COG3: variants seen among roughly 807,000 people sequenced by gnomAD.
COG3 encodes conserved oligomeric Golgi complex subunit 3.
A neutral mutation model predicts 114.1 loss-of-function variants in COG3; 32 were observed. The observed-to-expected ratio is 0.28, with a 90% CI of 0.21 to 0.38. The LOEUF is 0.38. Among genes scored for constraint, COG3 ranks in the 10% least tolerant of loss-of-function variants. The probability of loss-of-function intolerance (pLI) is 1.00; values close to 1 mark genes in which losing one functional copy is unlikely to be tolerated. For synonymous variants in COG3, 352 were observed against 365.7 expected, an observed-to-expected ratio of 0.96 and a Z score of 0.43; for missense variants, 813 against 973.2, an observed-to-expected ratio of 0.84 and a Z score of 2.19.
intron 20 of COG3, 130 bp downstream of exon 20, chr13:45,525,181 G>C: frequency 1.6e-6 from 1 of 610,270 alleles, no homozygotes; most frequent in Non-Finnish European, 2.7e-6. Context: ...AGTTAATGCA[G>C]GATTCAATTT....
intron 7 of COG3, among the ~76,000 whole-genome samples, chr13:45,486,190 A>T (rs1167269315): frequency 1.4e-5 from 2 of 145,030 alleles, no homozygotes; most frequent in East Asian, 3.9e-4. Context: ...AATCGCAGGC[A>T]TTCGGCAGAC....
intron 8 of COG3, among the ~76,000 whole-genome samples, chr13:45,487,279 A>C (rs541606435): frequency 6.6e-6 from 1 of 152,340 alleles, no homozygotes; most frequent in South Asian, 2.1e-4. Flanking sequence ...ATCTGAAACT[A>C]TAAAACTACT....
At chr13:45,481,041 GATC>G (rs1886218219) in intron 4 of COG3, among the ~76,000 whole-genome samples, 186 bp from the exon 5 acceptor site, 1 of 152,124 alleles carries the variant, frequency 6.6e-6, no homozygotes, top group Non-Finnish European at 1.5e-5. Context: ...TTTATGAAGA[GATC>G]ATATAAAATT....
chr13:45,492,318 A>G, intron 11 of COG3, 68 bp downstream of exon 11: 2 of 815,688 alleles, frequency 2.5e-6, no homozygotes, highest in Non-Finnish European at 4.0e-6. Flanking sequence ...ATGAATCAGT[A>G]TATTATAGGA....
chr13:45,481,617 G>T (rs1886253321), intron 5 of COG3, among the ~76,000 whole-genome samples: 1 of 152,114 alleles, frequency 6.6e-6, no homozygotes. Context: ...ATTTTGCTGT[G>T]GTTATGCTAC....
intron 14 of COG3, among the ~76,000 whole-genome samples, chr13:45,508,325 A>G (rs1298098609): frequency 6.7e-6 from 1 of 149,086 alleles, no homozygotes; most frequent in Non-Finnish European, 1.5e-5. Context: ...AAGATGAATG[A>G]TGAACACCCA....
intron 14 of COG3, 151 bp from the exon 15 acceptor site, chr13:45,509,541 T>C (rs1430350925): frequency 5.4e-6 from 4 of 741,540 alleles, no homozygotes; most frequent in Non-Finnish European, 8.8e-6. Flanking sequence ...TTTCTTAGGG[T>C]ATTCTTGATG....
chr13:45,503,470 G>T (rs772751207), intron 14 of COG3, 121 bp downstream of exon 14: 6 of 594,598 alleles, frequency 1.0e-5, no homozygotes, highest in African/African-American at 1.9e-5. Flanking sequence ...CACACTTTAT[G>T]GGGGGAGATT....
chr13:45,471,252 AG>A (rs1265114447), intron 1 of COG3, among the ~76,000 whole-genome samples: 2 of 145,120 alleles, frequency 1.4e-5, no homozygotes, highest in Non-Finnish European at 3.1e-5. Flanking sequence ...GAAAAAAAAA[AG>A]AAAAAAAAAT....
In COG3 at chr13:45,496,255, G is replaced by A. The variant is rs759015118; in HGVS notation, c.1431G>A (p.Thr477=). Residue 477 remains threonine (T), a synonymous_variant, in exon 13 of 23, where the codon ACG becomes ACA. Transcript: ENST00000349995. ...RTHIYIQTDI[T]GYKPAPGDLA... ...ACATCTATATTCAGACGGACATCAC[G>A]GGCTATAAACCAGCTCCTGGAGATC... 2.4e-5 allele frequency: 38 copies of A among 1,611,920 alleles called. No homozygotes were observed. Among genetic ancestry groups the A allele is most frequent in the Non-Finnish European group, 2.6e-5 (31 of 1,178,972 alleles).
intron 1 of COG3, among the ~76,000 whole-genome samples, chr13:45,473,946 AT>A (rs1196389280): frequency 1.3e-5 from 2 of 152,130 alleles, no homozygotes; most frequent in African/African-American, 4.8e-5. Flanking sequence ...ATACTCAGGG[AT>A]TGTGTTACCA....
At chr13:45,476,550 T>TA (rs1156848725) in intron 2 of COG3, among the ~76,000 whole-genome samples, 6 of 152,138 alleles carry the variant, frequency 3.9e-5, no homozygotes, top group East Asian at 1.9e-4. Context: ...ATGATATAGG[T>TA]AAAAAAACAT....
At chr13:45,529,719 C>T (rs1293597620) in intron 20 of COG3, 72 bp from the exon 21 acceptor site, 1 of 1,130,038 alleles carries the variant, frequency 8.8e-7, no homozygotes. Context: ...TCCCTTTATT[C>T]CCCTTTGAAT....
rs767657915 is a variant in COG3, at chr13:45,519,024, C to T, written c.2084C>T (p.Ser695Leu). The stretch of plus-strand genomic sequence containing the variant: ...AAAGACGTAGACCGTCATCTGAAAT[C>T]GGCCTGTGAGCAGTTTATTCAGCAG... ...SKKDVDRHLK[S>L]ACEQFIQQQT... The change falls in exon 19 of 23, where the codon TCG (serine) becomes TTG (leucine). Residue 695 changes from serine (S) to leucine (L), a missense_variant. By Grantham distance (145) the Ser-to-Leu change is moderately radical. Transcript: ENST00000349995. 4.4e-5 allele frequency: 71 copies of T among 1,614,000 alleles called. No homozygotes were observed. The highest frequency in any genetic ancestry group is 5.3e-5 in the African/African-American group (4 of 74,920).
chr13:45,514,560 T>C (rs1871333787), intron 16 of COG3, among the ~76,000 whole-genome samples: 1 of 152,240 alleles, frequency 6.6e-6, no homozygotes, highest in Non-Finnish European at 1.5e-5. Context: ...TTCTGTTTCC[T>C]ACATATTATA....
rs573652674 is a variant in COG3 at position 45,507,954 on chromosome 13, A to T, written c.1595-1738A>T. Among the ~76,000 whole-genome samples the T allele has an allele frequency of 3.3e-5, 5 of 151,024 alleles. No homozygotes were observed. The East Asian group carries it at 9.8e-4, about 30-fold the overall frequency. ...TGTGGTGGCATGAGCCTGTGATCCC[A>T]GCTACTCAGGAGGCTGAGGCAGAAG... is the stretch of plus-strand genomic sequence containing the variant. On this transcript the variant is annotated intron_variant, in intron 14 of 22. Transcript: ENST00000349995.
At chr13:45,530,845 A>G in intron 22 of COG3, 65 bp downstream of exon 22, 1 of 1,520,986 alleles carries the variant, frequency 6.6e-7, no homozygotes. Context: ...CTGAGTAGAT[A>G]ATGTCTTTGA....
intron 13 of COG3, among the ~76,000 whole-genome samples, chr13:45,502,997 T>A (rs531572154): frequency 1.6e-3 from 237 of 152,290 alleles, no homozygotes; most frequent in African/African-American, 5.3e-3. Context: ...TGCTAATTTT[T>A]AAAAAATATC....
chr13:45,513,883 T>C (rs1032785309), intron 16 of COG3, among the ~76,000 whole-genome samples: 7 of 152,024 alleles, frequency 4.6e-5, no homozygotes, highest in Non-Finnish European at 1.0e-4. Flanking sequence ...TTTTTAAAAA[T>C]GAAACAATAA....
Sources: gnomAD v4.1 joint callset for allele counts (sites outside exome capture counted in the v4.1 genomes callset) on GRCh38, gnomAD v4.1.1 for gene constraint, MANE v1.5 for transcripts, NCBI Gene and HGNC (gene_info 2026-07-23, HGNC 2026-07-21) for gene names.